The following SERPINE2 variants were observed in gnomAD, a reference collection of about 807,000 sequenced individuals.
SERPINE2 encodes the protein glia-derived nexin.
SERPINE2 carries 14 observed loss-of-function variants against 36.3 expected under a neutral mutation model. The ratio of observed to expected loss-of-function variants is 0.39; its 90% CI spans 0.25 to 0.60. SERPINE2 has a LOEUF of 0.60. SERPINE2 is among the 20% of genes least tolerant of loss of function. The probability of loss-of-function intolerance (pLI) is 0.57; values close to 1 mark genes in which losing one functional copy is unlikely to be tolerated. For synonymous variants in SERPINE2, 192 were observed against 191.8 expected, an observed-to-expected ratio of 1.00 and a Z score of -0.01; for missense variants, 418 against 499.6, an observed-to-expected ratio of 0.84 and a Z score of 1.56.
At chr2:224,022,202 C>T (rs923424463) in intron 1 of SERPINE2, among the ~76,000 whole-genome samples, 50 of 148,624 alleles carry the variant, frequency 3.4e-4, no homozygotes, top group African/African-American at 1.2e-3. Flanking sequence ...TGTGGCGGCT[C>T]ACGTCTGTAG....
At chr2:223,979,679 A>G (rs565967284) in intron 7 of SERPINE2, 1 of 152,392 alleles carries the variant, frequency 6.6e-6, no homozygotes, top group South Asian at 2.1e-4. Flanking sequence ...CTAATTATCA[A>G]GGAAGGCTGT....
chr2:223,978,346 T>A (rs1356481072), intron 7 of SERPINE2: 1 of 152,272 alleles, frequency 6.6e-6, no homozygotes, highest in Non-Finnish European at 1.5e-5. Flanking sequence ...CTGTTTAGCT[T>A]CTCTAAATCT....
At chr2:224,031,533 C>T in intron 1 of SERPINE2, 1 of 984,866 alleles carries the variant, frequency 1.0e-6, no homozygotes, top group Non-Finnish European at 1.2e-6. Flanking sequence ...CCGCCCACAG[C>T]CATTGGTACA....
intron 1 of SERPINE2, among the ~76,000 whole-genome samples, chr2:224,004,401 T>C (rs968943372): frequency 6.6e-6 from 1 of 152,230 alleles, no homozygotes; most frequent in Non-Finnish European, 1.5e-5. Context: ...AGAGCTTCAT[T>C]GTAAAACAAT....
In SERPINE2 at chr2:224,039,040, G is replaced by T. The variant is rs999172786; in HGVS notation, c.-23+59C>A. On this transcript the variant is annotated intron_variant, in intron 1 of 8. Coordinates refer to ENST00000409304, the MANE Select transcript of SERPINE2 (RefSeq NM_001136528.2). The surrounding 1 kb of genome is among the most constrained non-coding windows in gnomAD (Gnocchi z 5.2). ...GGTGGCGCGCGGAGCCCCGGGGAGCGTCCCCCGCCGAGGGCAGCGCCGGCC... is the reference window on the plus strand; with the variant it reads ...GGTGGCGCGCGGAGCCCCGGGGAGCTTCCCCCGCCGAGGGCAGCGCCGGCC... The T allele has an allele frequency of 1.3e-5, 2 of 151,028 alleles. No individual in the cohort carries two copies. The highest frequency in any genetic ancestry group is 4.8e-5 in the African/African-American group (2 of 41,310). 9.4% of individuals were successfully genotyped at this position (151,028 alleles called of 1,614,324 possible).
At chr2:224,003,437 A>G (rs1041535977) in intron 1 of SERPINE2, among the ~76,000 whole-genome samples, 1 of 152,216 alleles carries the variant, frequency 6.6e-6, no homozygotes, top group Non-Finnish European at 1.5e-5. Context: ...TTCTTTTACC[A>G]TAAGCACACT....
intron 1 of SERPINE2, among the ~76,000 whole-genome samples, chr2:224,024,894 G>A (rs560115670): frequency 1.3e-5 from 2 of 152,332 alleles, no homozygotes; most frequent in African/African-American, 4.8e-5. Flanking sequence ...TAGGGATGAA[G>A]GGGGCTGAGC....
Position 224,001,758 on chromosome 2 carries a change from T to C in SERPINE2, c.143A>G (p.His48Arg), listed in dbSNP as rs975424066. The change falls in exon 2 of 9, where the codon CAT (histidine) becomes CGT (arginine). Residue 48 changes from histidine (H) to arginine (R), a missense_variant. Coordinates refer to ENST00000409304, the MANE Select transcript of SERPINE2 (RefSeq NM_001136528.2). The part of the protein sequence containing the change: ...VFNQIVKSRP[H>R]DNIVISPHGI... ...ATGGGGAGAGATCACGATGTTGTCA[T>C]GAGGCCTCGACTTCACAATCTGATT... 1.9e-6 allele frequency: 3 copies of C among 1,614,094 alleles called. No homozygotes were observed. The highest frequency in any genetic ancestry group is 2.5e-6 in the Non-Finnish European group (3 of 1,180,022).
chr2:224,030,133 G>A (rs879449030), intron 1 of SERPINE2: 3 of 985,336 alleles, frequency 3.0e-6, no homozygotes, highest in South Asian at 9.4e-5. Context: ...ACAAATGCAA[G>A]GGTGGAGTCA....
At chr2:224,015,415 A>C (rs1691769039) in intron 1 of SERPINE2, among the ~76,000 whole-genome samples, 1 of 152,208 alleles carries the variant, frequency 6.6e-6, no homozygotes, top group African/African-American at 2.4e-5. Flanking sequence ...GACTGGACAA[A>C]GGGGCGGAGA....
chr2:223,998,469 G>T, intron 2 of SERPINE2, 127 bp from the exon 3 acceptor site: 1 of 666,844 alleles, frequency 1.5e-6, no homozygotes, highest in Non-Finnish European at 2.6e-6. Context: ...TGTAATCCCA[G>T]CAATTTGAGA....
Position 223,991,268 on chromosome 2 carries a change from T to C in SERPINE2, c.685+535A>G, listed in dbSNP as rs1035783473. On this transcript the variant is annotated intron_variant, in intron 4 of 8. Coordinates refer to ENST00000409304, the MANE Select transcript of SERPINE2 (RefSeq NM_001136528.2). ...TGTGTGCTTATGTTCACAGTATAAA[T>C]TCCCTGGAGCGGGACTGCTGGAGCC... Among the ~76,000 whole-genome samples the C allele has an allele frequency of 3.3e-5, 5 of 152,326 alleles. No homozygotes were observed. In the East Asian group the frequency reaches 9.6e-4, roughly 29 times the overall value.
Position 224,001,798 on chromosome 2 carries a change from C to A in SERPINE2, c.103G>T (p.Gly35Trp). ...LSLEELGSNT[G>W]IQVFNQIVKS... ...ACAATCTGATTGAAAACCTGGATCC[C>A]CGTGTTGGAGCCTAGTTCCTCGAGA... Residue 35 changes from glycine to tryptophan, a missense_variant, in exon 2 of 9, where the codon GGG becomes TGG. Transcript: ENST00000409304. 6.2e-7 allele frequency: 1 copy of A among 1,614,056 alleles called. No individual in the cohort carries two copies. The highest frequency in any genetic ancestry group is 8.5e-7 in the Non-Finnish European group (1 of 1,180,030).
intron 1 of SERPINE2, among the ~76,000 whole-genome samples, chr2:224,004,922 T>C (rs1691333487): frequency 6.7e-6 from 1 of 149,874 alleles, no homozygotes; most frequent in Non-Finnish European, 1.5e-5. Flanking sequence ...AGAATTTGGA[T>C]TCAGAAGACA....
At chr2:224,025,112 T>C (rs947443003) in intron 1 of SERPINE2, among the ~76,000 whole-genome samples, 5 of 151,922 alleles carry the variant, frequency 3.3e-5, no homozygotes, top group African/African-American at 1.2e-4. Context: ...TGCAGAGAGG[T>C]TGGGGAACCT....
intron 1 of SERPINE2, among the ~76,000 whole-genome samples, chr2:224,024,721 C>A (rs1194884962): frequency 6.6e-6 from 1 of 152,202 alleles, no homozygotes; most frequent in Non-Finnish European, 1.5e-5. Context: ...CTCTTAGGTT[C>A]CACAGAACTT....
intron 1 of SERPINE2, among the ~76,000 whole-genome samples, chr2:224,021,030 C>T (rs938242593): frequency 3.9e-5 from 6 of 152,228 alleles, no homozygotes; most frequent in Admixed American, 1.3e-4. Flanking sequence ...GTTCAAACCT[C>T]TACGGCCCAG....
In SERPINE2 at chr2:223,984,428, CGT is replaced by C. The variant is rs541948993; in HGVS notation, c.884+322_884+323del. 2.2e-3 allele frequency among the ~76,000 whole-genome samples: 341 copies of C among 152,318 alleles called. 5 individuals carry two copies. Among genetic ancestry groups the C allele is most frequent in the African/African-American group, 8.0e-3 (331 of 41,570 alleles). On this transcript the variant is annotated intron_variant, in intron 5 of 8. Transcript: ENST00000409304. Reference sequence around the variant, plus strand: ...CTTTCATCCATACTATGATGACACACGTGTGTTTTCAGTCTTTTAAATACAAT... The same window carrying C: ...CTTTCATCCATACTATGATGACACACGTGTTTTCAGTCTTTTAAATACAAT...
At chr2:224,030,307 G>GC (rs1692319893) in intron 1 of SERPINE2, 1 of 812,256 alleles carries the variant, frequency 1.2e-6, no homozygotes, top group Non-Finnish European at 1.5e-6. Context: ...AAGACACAGA[G>GC]CAAGTCACTC....
Sources: allele counts gnomAD v4.1 joint callset (sites outside exome capture counted in the v4.1 genomes callset), GRCh38; gene constraint gnomAD v4.1.1; non-coding constraint Gnocchi (gnomAD v3.1); transcripts MANE v1.5; gene names NCBI Gene and HGNC (gene_info 2026-07-23, HGNC 2026-07-21).